The following RAD50 variants were observed in gnomAD, a reference collection of about 807,000 sequenced individuals.
The protein encoded by RAD50 is DNA repair protein RAD50.
In RAD50, 132 loss-of-function variants were observed where a neutral mutation model predicts 168.8. The ratio of observed to expected loss-of-function variants is 0.78; its 90% CI spans 0.68 to 0.90. The LOEUF (loss-of-function observed/expected upper bound fraction) is 0.90. Ranked by LOEUF, RAD50 falls within the 40% of genes least tolerant of loss-of-function variation. RAD50 has a pLI of 0.00. For missense variants in RAD50, 1,347 were observed against 1,534.4 expected, an observed-to-expected ratio of 0.88 and a Z score of 2.04; for synonymous variants, 525 against 497.4, an observed-to-expected ratio of 1.06 and a Z score of -0.74.
At chr5:132,620,127 G>A (rs777195771) in intron 21 of RAD50, among the ~76,000 whole-genome samples, 12 of 151,832 alleles carry the variant, frequency 7.9e-5, no homozygotes, top group Admixed American at 1.3e-4. Context: ...GGATGGTCTC[G>A]ATTTCCTGAC....
At position 132,618,202 on chromosome 5, in the gene RAD50, T is replaced by A. The variant is rs1254356173; in HGVS notation, c.3297T>A (p.Asp1099Glu). 6.2e-7 allele frequency: 1 copy of A among 1,613,846 alleles called. No individual in the cohort carries two copies. The highest frequency in any genetic ancestry group is 8.5e-7 in the Non-Finnish European group (1 of 1,179,970). ...AACTTCGAGAACCACAATTTCGGGATGCTGAGGAAAAGTATAGAGAAATGA... is the reference window on the plus strand; with the variant it reads ...AACTTCGAGAACCACAATTTCGGGAAGCTGAGGAAAAGTATAGAGAAATGA... ...KKELREPQFR[D>E]AEEKYREMMI... is the part of the protein sequence containing the mutation. The change falls in exon 21 of 25, where the codon GAT (aspartate) becomes GAA (glutamate). Residue 1099 changes from aspartate (D) to glutamate (E), a missense_variant. Around this residue, in one of 3 missense-constraint regions of RAD50, gnomAD observed 635 missense variants for 739.2 expected, o/e 0.86. Coordinates refer to ENST00000378823, the MANE Select transcript of RAD50 (RefSeq NM_005732.4).
At chr5:132,608,102 G>A (rs945017657) in intron 16 of RAD50, among the ~76,000 whole-genome samples, 6 of 152,176 alleles carry the variant, frequency 3.9e-5, no homozygotes, top group African/African-American at 9.7e-5. Flanking sequence ...AAATATCTGC[G>A]TAGCCTTAGC....
intron 5 of RAD50, among the ~76,000 whole-genome samples, chr5:132,580,759 G>T (rs1750490048): frequency 6.6e-6 from 1 of 152,086 alleles, no homozygotes; most frequent in Non-Finnish European, 1.5e-5. Context: ...AGGGTATACT[G>T]TGCTTGGGTA....
intron 2 of RAD50, among the ~76,000 whole-genome samples, chr5:132,560,071 CACACACAT>C (rs1189366755): frequency 2.7e-5 from 4 of 150,650 alleles, no homozygotes; most frequent in African/African-American, 1.0e-4. Flanking sequence ...CACACACACA[CACACACAT>C]ATATATATAG....
intron 2 of RAD50, among the ~76,000 whole-genome samples, chr5:132,562,567 TA>T (rs537778320): frequency 1.6e-3 from 248 of 152,192 alleles, no homozygotes; most frequent in African/African-American, 5.8e-3. Context: ...TTTATTATAA[TA>T]GGGGCACTAT....
chr5:132,594,611 C>T (rs752010454), intron 11 of RAD50, among the ~76,000 whole-genome samples: 1 of 152,148 alleles, frequency 6.6e-6, no homozygotes, highest in Admixed American at 6.6e-5. Context: ...AGACCATGAA[C>T]CCCCAGAAAC....
intron 16 of RAD50, among the ~76,000 whole-genome samples, chr5:132,605,689 ACCT>A (rs1364518930): frequency 1.3e-5 from 2 of 152,144 alleles, no homozygotes; most frequent in African/African-American, 4.8e-5. Context: ...AACTCTCAGC[ACCT>A]CATCGCACTT....
At chr5:132,585,110 A>G (rs567977434) in intron 5 of RAD50, among the ~76,000 whole-genome samples, 1 of 152,138 alleles carries the variant, frequency 6.6e-6, no homozygotes, top group Non-Finnish European at 1.5e-5. Flanking sequence ...AAAAGAAATA[A>G]GTTGTTTTCG....
At chr5:132,603,740 C>T (rs1581001318) in intron 14 of RAD50, among the ~76,000 whole-genome samples, 180 bp from the exon 15 acceptor site, 1 of 152,120 alleles carries the variant, frequency 6.6e-6, no homozygotes, top group South Asian at 2.1e-4. Context: ...CTTTTGTTTA[C>T]ATCATTTGAA....
chr5:132,589,733 CTAAG>C lies in RAD50; in HGVS notation c.1353_1356del (p.Ser451ArgfsTer6), dbSNP rs1272811865. 15 of 1,613,002 alleles carry C rather than the reference CTAAG, an allele frequency of 9.3e-6. No homozygotes were observed. Among genetic ancestry groups the C allele is most frequent in the Middle Eastern group, 1.7e-4 (1 of 6,036 alleles). On this transcript the variant is annotated frameshift_variant, in exon 9 of 25. Transcript: ENST00000378823. LOFTEE classifies it high-confidence loss of function. ...AATAATTGAGTTAAAATCAGAAATC[CTAAG>C]TAAGAAGCAGAATGAGCTGAAAAAT...
At chr5:132,631,301 G>T (rs12332744) in intron 21 of RAD50, among the ~76,000 whole-genome samples, 7,187 of 151,882 alleles carry the variant, frequency 0.047, 554 homozygotes, top group African/African-American at 0.17. Flanking sequence ...TGTATTTTTA[G>T]TAGAGATAGA....
intron 21 of RAD50, among the ~76,000 whole-genome samples, chr5:132,618,567 G>A (rs927114082): frequency 3.9e-5 from 6 of 151,900 alleles, no homozygotes; most frequent in Admixed American, 1.3e-4. Flanking sequence ...TAGTAGAGAC[G>A]GGGTTTCTCC....
chr5:132,608,920 T>C (rs1395882530), intron 17 of RAD50, among the ~76,000 whole-genome samples, 195 bp downstream of exon 17: 2 of 152,208 alleles, frequency 1.3e-5, no homozygotes, highest in Non-Finnish European at 2.9e-5. Context: ...CTGCTTGATC[T>C]ACAATAGAAG....
intron 12 of RAD50, 32 bp from the exon 13 acceptor site, chr5:132,595,541 C>A: frequency 7.0e-7 from 1 of 1,430,438 alleles, no homozygotes; most frequent in South Asian, 1.2e-5. Context: ...GTTTTTTTCT[C>A]ATTGGTGATA....
At position 132,643,725 on chromosome 5, in the gene RAD50, TG is replaced by T. The variant is rs79229143; in HGVS notation, c.*1370del. ...GAGTATCCTGGGGGTGGTGGTGGGG[TG>T]GGGGGGGGTCCTAAATGTAATCACG... On this transcript the variant is annotated 3_prime_UTR_variant, in exon 25 of 25. Transcript: ENST00000378823. The T allele has an allele frequency of 6.5e-3, 668 of 102,546 alleles. 2 individuals are homozygous for T. Among genetic ancestry groups the T allele is most frequent in the East Asian group, 0.031 (204 of 6,606 alleles). The allele number at this position is 102,546 out of a possible 1,614,324, so 6.4% of individuals were successfully genotyped here.
intron 6 of RAD50, 108 bp downstream of exon 6, chr5:132,587,798 T>C: frequency 6.4e-7 from 1 of 1,551,418 alleles, no homozygotes; most frequent in Non-Finnish European, 8.9e-7. Flanking sequence ...AATACAGATC[T>C]TGTTACTTCT....
At chr5:132,618,425 CT>C (rs1751217945) in intron 21 of RAD50, 131 bp downstream of exon 21, 2 of 1,469,170 alleles carry the variant, frequency 1.4e-6, no homozygotes, top group East Asian at 5.0e-5. Context: ...GTTTCCCAGG[CT>C]GGAGTGCAAT....
chr5:132,557,599 C>A, intron 1 of RAD50, 146 bp downstream of exon 1: 1 of 1,205,598 alleles, frequency 8.3e-7, no homozygotes, highest in Non-Finnish European at 1.2e-6. Flanking sequence ...GTGTGGCCTG[C>A]AGGCTACAGC....
intron 21 of RAD50, among the ~76,000 whole-genome samples, chr5:132,630,197 C>A (rs1299085685): frequency 2.0e-5 from 3 of 152,102 alleles, no homozygotes; most frequent in Admixed American, 2.0e-4. Context: ...CGCCTGCCAC[C>A]ACACCCGGCT....
Sources: gnomAD v4.1 joint callset for allele counts (sites outside exome capture counted in the v4.1 genomes callset) on GRCh38, gnomAD v4.1.1 for gene constraint, gnomAD v4.1.1 regional missense constraint, MANE v1.5 for transcripts, NCBI Gene and HGNC (gene_info 2026-07-23, HGNC 2026-07-21) for gene names.